Variants in CNTN6 observed in about 807,000 individuals in gnomAD.
The protein encoded by CNTN6 is contactin-6.
CNTN6 carries 137 observed loss-of-function variants against 122.8 expected under a neutral mutation model. That is an observed-to-expected ratio of 1.12 (90% CI 0.97 to 1.29). CNTN6 has a LOEUF of 1.29. Among genes scored for constraint, CNTN6 ranks in the 50% most tolerant of loss-of-function variants. The pLI, the probability that CNTN6 is intolerant of heterozygous loss-of-function variation, is 0.00. For synonymous variants in CNTN6, 570 were observed against 426.0 expected (o/e 1.34, Z -4.16); for missense variants, 1,634 against 1,223.4 (o/e 1.34, Z -5.01).
intron 5 of CNTN6, among the ~76,000 whole-genome samples, chr3:1,284,346 T>C (rs1693990302): frequency 6.6e-6 from 1 of 152,168 alleles, no homozygotes; most frequent in Non-Finnish European, 1.5e-5. Flanking sequence ...TTCCTCCAGT[T>C]GGTGTGCTTG....
intron 1 of CNTN6, among the ~76,000 whole-genome samples, chr3:1,112,545 G>A (rs1292842800): frequency 6.6e-6 from 1 of 152,084 alleles, no homozygotes; most frequent in Non-Finnish European, 1.5e-5. Flanking sequence ...TCTGGAGGCA[G>A]AGACCAATTC....
chr3:1,319,228 C>G (rs1700514549), intron 7 of CNTN6, among the ~76,000 whole-genome samples: 1 of 151,514 alleles, frequency 6.6e-6, no homozygotes, highest in African/African-American at 2.4e-5. Flanking sequence ...ATGGCAAAAG[C>G]CGCGATTACT....
Position 1,385,642 on chromosome 3 carries a change from C to G in CNTN6, c.2549C>G (p.Ser850Cys), listed in dbSNP as rs1037839968. The change falls in exon 20 of 23, where the codon TCC (serine) becomes TGC (cysteine). Residue 850 changes from serine to cysteine, a missense_variant. By Grantham distance (112) the Ser-to-Cys change is moderately radical. Transcript: ENST00000446702. ...TACTGGACAGATGACTCCAAAGAAT[C>G]CATGATAGGTAAAATTAGAGTCAGT... ...VLYWTDDSKE[S>C]MIGKIRVSGN... The G allele has an allele frequency of 3.1e-6, 5 of 1,613,884 alleles. No individual in the cohort carries two copies. In the Admixed American group the frequency reaches 5.0e-5, roughly 16 times the overall value.
chr3:1,284,837 A>G lies in CNTN6; in HGVS notation c.454+6329A>G, dbSNP rs116198152. Among the ~76,000 whole-genome samples the G allele has an allele frequency of 1.1e-3, 175 of 152,332 alleles. 1 individual carries two copies. The highest frequency in any genetic ancestry group is 4.1e-3 in the African/African-American group (170 of 41,576). On this transcript the variant is annotated intron_variant, in intron 5 of 22. Coordinates refer to ENST00000446702, the MANE Select transcript of CNTN6 (RefSeq NM_001289080.2). The stretch of plus-strand genomic sequence containing the variant: ...TTCAGGTGGAGGAAATAGCATGTCA[A>G]AGAACCTGTGGGGAAACCACGTCTA...
chr3:1,154,394 T>A (rs1018100521), intron 2 of CNTN6, among the ~76,000 whole-genome samples: 3 of 151,978 alleles, frequency 2.0e-5, no homozygotes, highest in African/African-American at 7.3e-5. Flanking sequence ...ATAGCTATGC[T>A]ATGACTTGAA....
intron 4 of CNTN6, among the ~76,000 whole-genome samples, chr3:1,244,969 G>T (rs1186531997): frequency 6.7e-6 from 1 of 150,070 alleles, no homozygotes; most frequent in Non-Finnish European, 1.5e-5. Context: ...CACAATGGTG[G>T]AATGTCATCA....
intron 1 of CNTN6, among the ~76,000 whole-genome samples, chr3:1,093,621 A>G (rs899686958): frequency 1.3e-5 from 2 of 151,820 alleles, no homozygotes; most frequent in African/African-American, 4.8e-5. Flanking sequence ...CTAGGGGAGA[A>G]TTTGGTAAGG....
chr3:1,278,495 G>A lies in CNTN6; in HGVS notation c.441G>A (p.Pro147=), dbSNP rs142412245. 65 of 1,611,020 alleles carry A rather than the reference G, an allele frequency of 4.0e-5. No homozygotes were observed. The highest frequency in any genetic ancestry group is 4.9e-5 in the Non-Finnish European group (58 of 1,177,898). The stretch of plus-strand genomic sequence containing the variant: ...GTGTGGTGCTTCTCTGTGGCCCACC[G>A]CCACATTTTGGAGGTATGATGGGGT... ...GQGVVLLCGP[P]PHFGDLSYAW... Residue 147 remains proline, a synonymous_variant, in exon 5 of 23, where the codon CCG becomes CCA. Transcript: ENST00000446702.
At chr3:1,401,573 T>C (rs1344380593) in intron 21 of CNTN6, 28 bp downstream of exon 21, 2 of 1,483,022 alleles carry the variant, frequency 1.3e-6, no homozygotes, top group Non-Finnish European at 1.9e-6. Flanking sequence ...CCTTTAATCA[T>C]ATCAATTAAG....
At chr3:1,307,173 T>C (rs1465578504) in intron 7 of CNTN6, among the ~76,000 whole-genome samples, 2 of 152,154 alleles carry the variant, frequency 1.3e-5, no homozygotes, top group South Asian at 2.1e-4. Flanking sequence ...TGGGATCAGC[T>C]CTTTCCTTCC....
intron 2 of CNTN6, among the ~76,000 whole-genome samples, chr3:1,158,969 C>CACATATATATAT (rs1553610778): frequency 4.4e-5 from 5 of 112,966 alleles, no homozygotes; most frequent in African/African-American, 1.9e-4. Context: ...CACACACACA[C>CACATATATATAT]ATATATATAT....
rs114690255 is a variant in CNTN6, at chr3:1,341,406, A to C, written c.1365-10918A>C. ...TTTCCCTTCTTCTACTGAAGAGCTA[A>C]ATATTTCTCTTTGGCCTATTTCACT... On this transcript the variant is annotated intron_variant, in intron 11 of 22. Transcript: ENST00000446702. Among the ~76,000 whole-genome samples, 1,108 of 152,144 alleles carry C rather than the reference A, an allele frequency of 7.3e-3. 19 individuals are homozygous for C. Among genetic ancestry groups the C allele is most frequent in the African/African-American group, 0.026 (1,064 of 41,502 alleles).
At chr3:1,150,140 A>G (rs1402965273) in intron 2 of CNTN6, among the ~76,000 whole-genome samples, 1 of 152,172 alleles carries the variant, frequency 6.6e-6, no homozygotes, top group African/African-American at 2.4e-5. Context: ...TGACATACAC[A>G]AGACAACACT....
chr3:1,299,381 A>G (rs1424030516), intron 7 of CNTN6, among the ~76,000 whole-genome samples: 1 of 152,174 alleles, frequency 6.6e-6, no homozygotes, highest in African/African-American at 2.4e-5. Context: ...TCTGAAAAGA[A>G]TATTAATAGC....
intron 7 of CNTN6, among the ~76,000 whole-genome samples, chr3:1,312,764 G>A (rs534401209): frequency 6.6e-6 from 1 of 151,490 alleles, no homozygotes; most frequent in South Asian, 2.1e-4. Context: ...GCAAAGCATG[G>A]TGATTTAGAG....
At chr3:1,352,573 A>C in intron 12 of CNTN6, 122 bp downstream of exon 12, 1 of 1,135,432 alleles carries the variant, frequency 8.8e-7, no homozygotes, top group Non-Finnish European at 1.3e-6. Context: ...TTCACAAGTT[A>C]TCTAAGAGAT....
At chr3:1,161,179 C>G (rs2093123918) in intron 2 of CNTN6, among the ~76,000 whole-genome samples, 1 of 140,326 alleles carries the variant, frequency 7.1e-6, no homozygotes, top group Non-Finnish European at 1.5e-5. Context: ...GAAAGAGTTT[C>G]AGTAATGGAT....
chr3:1,318,211 G>A (rs976599567), intron 7 of CNTN6, among the ~76,000 whole-genome samples: 8 of 151,724 alleles, frequency 5.3e-5, no homozygotes, highest in South Asian at 4.2e-4. Flanking sequence ...TGTCTCTTGC[G>A]TTTCTTGCCT....
At chr3:1,327,105 A>T (rs1559832934) in intron 9 of CNTN6, among the ~76,000 whole-genome samples, 1 of 151,900 alleles carries the variant, frequency 6.6e-6, no homozygotes, top group Non-Finnish European at 1.5e-5. Flanking sequence ...TCTAGTCATG[A>T]TATACATGTC....
Sources: allele counts gnomAD v4.1 joint callset (sites outside exome capture counted in the v4.1 genomes callset), GRCh38; gene constraint gnomAD v4.1.1; transcripts MANE v1.5; gene names NCBI Gene and HGNC (gene_info 2026-07-23, HGNC 2026-07-21).